DMD: variants seen among roughly 807,000 people sequenced by gnomAD.
The protein encoded by DMD is dystrophin.
A neutral mutation model predicts 330.1 loss-of-function variants in DMD; 63 were observed. The observed-to-expected ratio is 0.19, with a 90% CI of 0.16 to 0.24. The LOEUF is 0.24. Ranked by LOEUF, DMD falls within the 10% of genes least tolerant of loss-of-function variation. The probability of loss-of-function intolerance (pLI) is 1.00; values close to 1 mark genes in which losing one functional copy is unlikely to be tolerated. For missense variants in DMD, 3,344 were observed against 2,684.1 expected (o/e 1.25, Z -5.43); for synonymous variants, 1,223 against 959.8 (o/e 1.27, Z -5.07).
Position 33,136,234 on chromosome X carries a change from A to G in DMD, c.31+75048T>C, listed in dbSNP as rs555438588. 2.0e-4 allele frequency among the ~76,000 whole-genome samples: 18 copies of G among 89,936 alleles called. No homozygotes were observed. The South Asian group carries it at 0.012, about 61-fold the overall frequency. The allele number at this position is 89,936 out of a possible 115,157, so 78.1% of individuals were successfully genotyped here. A position where few individuals can be genotyped will look rare whatever the true frequency, so the allele number is the denominator to read the frequency against. ...GGCAAGGCTGCAGTGAGCTGTGATT[A>G]AGCCAATGCACTTCAGCCTGGGTGG... On this transcript the variant is annotated intron_variant, in intron 1 of 78. Coordinates refer to ENST00000357033, the MANE Select transcript of DMD (RefSeq NM_004006.3).
At chrX:31,439,972 A>G (rs1390991342) in intron 60 of DMD, among the ~76,000 whole-genome samples, 1 of 111,525 alleles carries the variant, frequency 9.0e-6, no homozygotes, top group Admixed American at 9.6e-5. Context: ...AAAATTTTAT[A>G]TTTGAAACAA....
At chrX:32,598,583 C>G (rs2055836800) in intron 12 of DMD, among the ~76,000 whole-genome samples, 1 of 111,551 alleles carries the variant, frequency 9.0e-6, no homozygotes, top group South Asian at 3.7e-4. Flanking sequence ...ATGTAAATTG[C>G]TTTTTCACAA....
chrX:32,714,765 T>A (rs910552193), intron 7 of DMD, among the ~76,000 whole-genome samples: 25 of 112,188 alleles, frequency 2.2e-4, no homozygotes, highest in Admixed American at 2.8e-4. Flanking sequence ...TATACTTTCT[T>A]GTGCGGTTTA....
At chrX:31,406,023 CT>C (rs1175792941) in intron 60 of DMD, among the ~76,000 whole-genome samples, 2 of 112,138 alleles carry the variant, frequency 1.8e-5, no homozygotes, top group African/African-American at 6.5e-5. Flanking sequence ...AGCTTTTCAA[CT>C]TAACAAAAGA....
intron 2 of DMD, among the ~76,000 whole-genome samples, chrX:32,908,908 C>T (rs1248687988): frequency 9.0e-6 from 1 of 110,934 alleles, no homozygotes; most frequent in African/African-American, 3.3e-5. Context: ...TGTGAACTGA[C>T]TACAAAAGGT....
chrX:33,260,329 C>A (rs1360289365), intron 1 of DMD, among the ~76,000 whole-genome samples: 1 of 110,940 alleles, frequency 9.0e-6, no homozygotes, highest in Non-Finnish European at 1.9e-5. Flanking sequence ...TAAAAAAATT[C>A]TTCAAGAATC....
chrX:32,358,521 G>A (rs2097816129), intron 37 of DMD, among the ~76,000 whole-genome samples: 1 of 111,598 alleles, frequency 9.0e-6, no homozygotes, highest in African/African-American at 3.3e-5. Context: ...ATTTCACATA[G>A]ATTACGAAAA....
intron 45 of DMD, among the ~76,000 whole-genome samples, chrX:31,956,976 A>G (rs1227937376): frequency 8.9e-6 from 1 of 112,106 alleles, no homozygotes; most frequent in Non-Finnish European, 1.9e-5. Context: ...TCTTTCCAGT[A>G]GCAATGACAT....
chrX:32,913,467 A>G (rs1335647206), intron 2 of DMD, among the ~76,000 whole-genome samples: 1 of 112,319 alleles, frequency 8.9e-6, no homozygotes, highest in Non-Finnish European at 1.9e-5. Context: ...GAAAAATGAA[A>G]TACTACAGTT....
chrX:33,049,690 A>G (rs1474151009), intron 1 of DMD, among the ~76,000 whole-genome samples: 1 of 111,178 alleles, frequency 9.0e-6, no homozygotes, highest in Non-Finnish European at 1.9e-5. Context: ...TACCAAAGTG[A>G]ATTTTTAGAA....
chrX:32,385,489 A>AT (rs894284035), intron 33 of DMD, among the ~76,000 whole-genome samples: 108 of 110,416 alleles, frequency 9.8e-4, no homozygotes, highest in African/African-American at 3.5e-3. Context: ...CTGGGCAAAC[A>AT]TTTTTTTTGG....
At chrX:32,461,915 G>C (rs962767378) in intron 25 of DMD, among the ~76,000 whole-genome samples, 1 of 110,471 alleles carries the variant, frequency 9.1e-6, no homozygotes, top group African/African-American at 3.3e-5. Flanking sequence ...CAGAACCAAT[G>C]AACACTTGTC....
At chrX:33,144,395 A>T (rs5971688) in intron 1 of DMD, among the ~76,000 whole-genome samples, 9,010 of 111,202 alleles carry the variant, frequency 0.081, 400 homozygotes, top group South Asian at 0.2. Context: ...AACAATAATT[A>T]ATTGTTTATT....
At chrX:31,307,898 T>C (rs761199309) in intron 62 of DMD, among the ~76,000 whole-genome samples, 29 of 111,606 alleles carry the variant, frequency 2.6e-4, no homozygotes, top group Non-Finnish European at 4.7e-4. Flanking sequence ...AGGCATGAGT[T>C]TTCTGGAAGA....
At chrX:33,115,445 G>T (rs896489617) in intron 1 of DMD, among the ~76,000 whole-genome samples, 6 of 110,350 alleles carry the variant, frequency 5.4e-5, no homozygotes, top group African/African-American at 2.0e-4. Context: ...GTAGGGGGAG[G>T]TTCCTTTTCA....
chrX:32,569,607 A>G (rs2052164866), intron 15 of DMD, among the ~76,000 whole-genome samples: 1 of 111,767 alleles, frequency 8.9e-6, no homozygotes, highest in Non-Finnish European at 1.9e-5. Flanking sequence ...TTTGAGAAGC[A>G]TTGATCCTGT....
intron 48 of DMD, among the ~76,000 whole-genome samples, chrX:31,857,314 G>A (rs1277590299): frequency 1.0e-5 from 1 of 100,087 alleles, no homozygotes; most frequent in Non-Finnish European, 2.0e-5. Context: ...AGGAGGCGGA[G>A]GCTGCAGTGA....
chrX:32,626,252 C>T (rs2058336957), intron 11 of DMD, among the ~76,000 whole-genome samples: 1 of 111,373 alleles, frequency 9.0e-6, no homozygotes, highest in Non-Finnish European at 1.9e-5. Flanking sequence ...GGCTGGATCA[C>T]CTGAGGTCAG....
In DMD at chrX:31,512,762, C is replaced by G. The variant is rs1323043840; in HGVS notation, c.8218-5309G>C. On this transcript the variant is annotated intron_variant, in intron 55 of 78. Coordinates refer to ENST00000357033, the MANE Select transcript of DMD (RefSeq NM_004006.3). ...GCCTTGTAGTATAGTTTGAAGTCAG[C>G]TAGTGTGATGCCTCCAGCTTTGTTC... Among the ~76,000 whole-genome samples, 179 of 111,168 alleles carry G rather than the reference C, an allele frequency of 1.6e-3. 1 individual carries two copies. The highest frequency in any genetic ancestry group is 5.5e-3 in the African/African-American group (167 of 30,549).
Sources: gnomAD v4.1 joint callset for allele counts (sites outside exome capture counted in the v4.1 genomes callset) on GRCh38, gnomAD v4.1.1 for gene constraint, MANE v1.5 for transcripts, NCBI Gene and HGNC (gene_info 2026-07-23, HGNC 2026-07-21) for gene names.